The following CFAP43 variants were observed in gnomAD, a reference collection of about 807,000 sequenced individuals.
CFAP43 encodes cilia and flagella associated protein 43.
In CFAP43, 155 loss-of-function variants were observed where a neutral mutation model predicts 218.9. The ratio of observed to expected loss-of-function variants is 0.71; its 90% CI spans 0.62 to 0.81. The LOEUF (loss-of-function observed/expected upper bound fraction) is 0.81, where lower values mean the gene tolerates loss of function less well. Ranked by LOEUF, CFAP43 falls within the 30% of genes least tolerant of loss-of-function variation. The pLI, the probability that CFAP43 is intolerant of heterozygous loss-of-function variation, is 0.00. For synonymous variants in CFAP43, 645 were observed against 681.3 expected (o/e 0.95, Z 0.83); for missense variants, 1,778 against 1,954.3 (o/e 0.91, Z 1.70).
chr10:104,211,656 G>A (rs1004731658), intron 5 of CFAP43, among the ~76,000 whole-genome samples: 1 of 152,148 alleles, frequency 6.6e-6, no homozygotes, highest in South Asian at 2.1e-4. Context: ...CTATCTGTGA[G>A]AATGACACTG....
Position 104,164,159 on chromosome 10 carries a change from C to T in CFAP43, c.3181G>A (p.Val1061Ile), listed in dbSNP as rs142256935. The change falls in exon 24 of 38, where the codon GTC becomes ATC. Residue 1061 changes from valine to isoleucine, a missense_variant. Val to Ile is a conservative substitution (Grantham distance 29). This residue lies in a region of CFAP43 where 1,553 missense variants were observed against 1,685.2 expected (regional missense o/e 0.92). Coordinates refer to ENST00000357060, the MANE Select transcript of CFAP43 (RefSeq NM_025145.7). The part of the protein sequence containing the change: ...IILDLELEEA[V>I]WQPEFEDCEK... ...CAGTCTTCAAATTCTGGTTGCCAGA[C>T]TGCTTCTTCCAATTCCAGATCTAAA... 2.4e-4 allele frequency: 382 copies of T among 1,614,238 alleles called. 1 individual carries two copies. The African/African-American group carries it at 4.3e-3, about 18-fold the overall frequency.
chr10:104,228,537 A>C (rs369772458), intron 2 of CFAP43, among the ~76,000 whole-genome samples: 80 of 152,282 alleles, frequency 5.3e-4, no homozygotes, highest in African/African-American at 1.9e-3. Context: ...TGAATTTTGG[A>C]ATCATTTGAG....
At chr10:104,159,897 C>T (rs754122334) in intron 27 of CFAP43, among the ~76,000 whole-genome samples, 4 of 152,090 alleles carry the variant, frequency 2.6e-5, no homozygotes, top group Non-Finnish European at 5.9e-5. Flanking sequence ...TTTAACAAAT[C>T]CCCCAGGTGA....
At chr10:104,221,002 G>T (rs1253745148) in intron 3 of CFAP43, among the ~76,000 whole-genome samples, 6 of 151,140 alleles carry the variant, frequency 4.0e-5, no homozygotes, top group African/African-American at 1.5e-4. Context: ...TTGAGACGGA[G>T]TCTCGCTCTG....
chr10:104,186,164 G>A (rs757060692), intron 14 of CFAP43, 41 bp from the exon 15 acceptor site: 1 of 1,432,476 alleles, frequency 7.0e-7, no homozygotes, highest in Non-Finnish European at 9.2e-7. Context: ...GAAAAGATCA[G>A]GTAAACAGCA....
chr10:104,228,377 C>T (rs2091359823), intron 2 of CFAP43, among the ~76,000 whole-genome samples: 1 of 152,040 alleles, frequency 6.6e-6, no homozygotes, highest in Non-Finnish European at 1.5e-5. Flanking sequence ...TAGATTCTGT[C>T]CCAAGTCTTC....
intron 35 of CFAP43, chr10:104,132,481 G>T: frequency 3.8e-6 from 1 of 261,994 alleles, no homozygotes; most frequent in Non-Finnish European, 5.9e-6. Flanking sequence ...GGGCGTGGTG[G>T]CACATGCCTG....
intron 3 of CFAP43, chr10:104,218,991 T>C (rs1005130913): frequency 9.0e-5 from 35 of 388,090 alleles, no homozygotes; most frequent in African/African-American, 7.8e-4. Flanking sequence ...TGTTGGTGAT[T>C]TGGGTTTCTG....
At chr10:104,178,585 AAT>A (rs1422193839) in intron 19 of CFAP43, among the ~76,000 whole-genome samples, 1 of 152,208 alleles carries the variant, frequency 6.6e-6, no homozygotes. Flanking sequence ...TCAAAACAGA[AAT>A]ATCAAGAAAT....
At chr10:104,197,064 C>T in intron 9 of CFAP43, 131 bp from the exon 10 acceptor site, 1 of 616,322 alleles carries the variant, frequency 1.6e-6, no homozygotes. Flanking sequence ...ATTATAAATA[C>T]TTATTTTATC....
chr10:104,160,142 A>C (rs1474108534), intron 27 of CFAP43, among the ~76,000 whole-genome samples: 2 of 152,220 alleles, frequency 1.3e-5, no homozygotes, highest in East Asian at 3.8e-4. Context: ...ATGAGGGTGC[A>C]GGCAGTGGAC....
intron 4 of CFAP43, among the ~76,000 whole-genome samples, chr10:104,212,393 G>A (rs1300549775): frequency 6.6e-6 from 1 of 152,174 alleles, no homozygotes; most frequent in African/African-American, 2.4e-5. Context: ...AATATCTAAA[G>A]CAGGAGTTGT....
chr10:104,190,436 G>C (rs978771098), intron 12 of CFAP43, among the ~76,000 whole-genome samples: 1 of 152,204 alleles, frequency 6.6e-6, no homozygotes, highest in Non-Finnish European at 1.5e-5. Flanking sequence ...TGCATATTTA[G>C]TTACCTCTTT....
chr10:104,216,111 G>C (rs1478437853), intron 3 of CFAP43, among the ~76,000 whole-genome samples: 1 of 152,062 alleles, frequency 6.6e-6, no homozygotes, highest in Non-Finnish European at 1.5e-5. Context: ...CAAACTTTTT[G>C]AGCAAGTTGT....
At chr10:104,222,577 C>CCCTG (rs1014027768) in intron 3 of CFAP43, among the ~76,000 whole-genome samples, 5 of 152,286 alleles carry the variant, frequency 3.3e-5, no homozygotes, top group African/African-American at 1.2e-4. Flanking sequence ...CCCTGTCCTC[C>CCCTG]CCTGCCCTCC....
At chr10:104,230,565 GC>G (rs1169858179) in intron 2 of CFAP43, 24 bp downstream of exon 2, 2 of 1,596,850 alleles carry the variant, frequency 1.3e-6, no homozygotes, top group Admixed American at 1.8e-5. Context: ...TCAATTATGG[GC>G]AGAGGAAGGG....
chr10:104,182,643 A>G (rs1224375455), intron 16 of CFAP43, 130 bp from the exon 17 acceptor site: 20 of 877,968 alleles, frequency 2.3e-5, no homozygotes, highest in Non-Finnish European at 3.0e-5. Flanking sequence ...TATGTGGACA[A>G]TTCTTCACAG....
intron 18 of CFAP43, 68 bp downstream of exon 18, chr10:104,179,772 T>C (rs762503176): frequency 4.3e-5 from 51 of 1,198,674 alleles, no homozygotes; most frequent in African/African-American, 1.2e-4. Context: ...TAGGTTTCCA[T>C]AGGAAACTAA....
Position 104,214,438 on chromosome 10 carries a change from A to G in CFAP43, c.417-12T>C. ...TCGATTCCCAGTTCCTTAGAGAAAA[A>G]TAGCATTTGATGAAAAAAAGTTCAT... On this transcript the variant is annotated splice_polypyrimidine_tract_variant and intron_variant, in intron 3 of 37. Coordinates refer to ENST00000357060, the MANE Select transcript of CFAP43 (RefSeq NM_025145.7). The G allele has an allele frequency of 6.5e-7, 1 of 1,543,754 alleles. No homozygotes were observed. The highest frequency in any genetic ancestry group is 8.8e-7 in the Non-Finnish European group (1 of 1,141,912).
Sources: gnomAD v4.1 joint callset for allele counts (sites outside exome capture counted in the v4.1 genomes callset) on GRCh38, gnomAD v4.1.1 for gene constraint, gnomAD v4.1.1 regional missense constraint, MANE v1.5 for transcripts, NCBI Gene and HGNC (gene_info 2026-07-23, HGNC 2026-07-21) for gene names.